AFF2: variants seen among roughly 807,000 people sequenced by gnomAD.
The protein encoded by AFF2 is AF4/FMR2 family member 2.
In AFF2, 14 loss-of-function variants were observed where a neutral mutation model predicts 76.9. The observed-to-expected ratio is 0.18, with a 90% CI of 0.12 to 0.28. The LOEUF is 0.28. Ranked by LOEUF, AFF2 falls within the 10% of genes least tolerant of loss-of-function variation. The probability of loss-of-function intolerance (pLI) is 1.00; values close to 1 mark genes in which losing one functional copy is unlikely to be tolerated. For missense variants in AFF2, 868 were observed against 1,001.1 expected, an observed-to-expected ratio of 0.87 and a Z score of 1.79; for synonymous variants, 398 against 366.7, an observed-to-expected ratio of 1.09 and a Z score of -0.98.
intron 3 of AFF2, among the ~76,000 whole-genome samples, chrX:148,681,587 A>T (rs1163807953): frequency 4.9e-5 from 5 of 102,512 alleles, no homozygotes; most frequent in Non-Finnish European, 9.9e-5. Flanking sequence ...TGTGTGTGAG[A>T]GAGAGAGAAT....
chrX:148,843,509 T>C (rs2070628157), intron 7 of AFF2, 76 bp downstream of exon 7: 1 of 848,190 alleles, frequency 1.2e-6, no homozygotes, highest in African/African-American at 2.0e-5. Context: ...GCTGATCTAA[T>C]CTTGTTCTCT....
At position 148,590,123 on chromosome X, in the gene AFF2, A is replaced by G. The variant is rs183907163; in HGVS notation, c.48-61876A>G. 5.6e-3 allele frequency among the ~76,000 whole-genome samples: 599 copies of G among 106,135 alleles called. 4 individuals are homozygous for G. Among genetic ancestry groups the G allele is most frequent in the African/African-American group, 0.019 (567 of 29,169 alleles). The allele number at this position is 106,135 out of a possible 115,157, so 92.2% of individuals were successfully genotyped here. On this transcript the variant is annotated intron_variant, in intron 1 of 20. Coordinates refer to ENST00000370460, the MANE Select transcript of AFF2 (RefSeq NM_002025.4). ...TCATTACCACCAAACACGCAGTTGG[A>G]AAGACATTAAAATATACTACCTATT...
At chrX:148,729,734 A>G (rs1022927442) in intron 3 of AFF2, among the ~76,000 whole-genome samples, 1 of 112,145 alleles carries the variant, frequency 8.9e-6, no homozygotes, top group African/African-American at 3.2e-5. Context: ...GAATTTAATC[A>G]ATGCAGAGAG....
intron 12 of AFF2, among the ~76,000 whole-genome samples, chrX:148,959,129 C>G (rs1345487261): frequency 1.8e-5 from 2 of 111,444 alleles, no homozygotes; most frequent in Non-Finnish European, 3.8e-5. Flanking sequence ...TCTTCCTTCT[C>G]TCTGTGTGTG....
At chrX:148,590,420 C>T (rs962935346) in intron 1 of AFF2, among the ~76,000 whole-genome samples, 1 of 111,544 alleles carries the variant, frequency 9.0e-6, no homozygotes, top group Non-Finnish European at 1.9e-5. Context: ...CCACTAAGAG[C>T]TATTTGCATA....
chrX:148,756,858 G>A (rs934773243), intron 3 of AFF2, among the ~76,000 whole-genome samples: 5 of 112,204 alleles, frequency 4.5e-5, no homozygotes, highest in South Asian at 7.4e-4. Flanking sequence ...GTGAATAAAA[G>A]TAGAACTTTT....
intron 1 of AFF2, among the ~76,000 whole-genome samples, chrX:148,543,061 G>A (rs1224863813): frequency 1.8e-5 from 2 of 111,653 alleles, no homozygotes; most frequent in Non-Finnish European, 3.8e-5. Flanking sequence ...ATCCTCTAGA[G>A]GGCAGAGCCA....
At chrX:148,839,248 G>T (rs2070566773) in intron 5 of AFF2, among the ~76,000 whole-genome samples, 1 of 112,220 alleles carries the variant, frequency 8.9e-6, no homozygotes, top group East Asian at 2.8e-4. Flanking sequence ...CATGACAAAG[G>T]TAGAAGCAAG....
At chrX:148,650,621 A>G (rs1199928480) in intron 1 of AFF2, among the ~76,000 whole-genome samples, 1 of 112,365 alleles carries the variant, frequency 8.9e-6, no homozygotes, top group Non-Finnish European at 1.9e-5. Flanking sequence ...TTCTTTATCC[A>G]GGAGATAAAG....
intron 1 of AFF2, among the ~76,000 whole-genome samples, chrX:148,559,669 T>A (rs1259546130): frequency 8.9e-6 from 1 of 112,008 alleles, no homozygotes; most frequent in Non-Finnish European, 1.9e-5. Flanking sequence ...CTTTATCCAG[T>A]CTATCATTGA....
At chrX:148,922,099 T>C (rs181080648) in intron 9 of AFF2, among the ~76,000 whole-genome samples, 1 of 112,273 alleles carries the variant, frequency 8.9e-6, no homozygotes, top group Admixed American at 9.4e-5. Context: ...GCACAAAGGA[T>C]TTGAGCATTT....
Position 148,993,139 on chromosome X carries a change from G to A in AFF2, c.*1807G>A, listed in dbSNP as rs1181805368. The A allele has an allele frequency of 8.9e-6, 1 of 112,655 alleles. No homozygotes were observed. The highest frequency in any genetic ancestry group is 1.9e-5 in the Non-Finnish European group (1 of 53,348). 9.3% of individuals were successfully genotyped at this position (112,655 alleles called of 1,213,427 possible). On this transcript the variant is annotated 3_prime_UTR_variant, in exon 21 of 21. Coordinates refer to ENST00000370460, the MANE Select transcript of AFF2 (RefSeq NM_002025.4). ...CCTTTTGTTGTATAAGGCTGTGGAA[G>A]TTGTACTCCAATGGCTGAAGCCATG...
intron 3 of AFF2, among the ~76,000 whole-genome samples, chrX:148,694,006 C>T (rs1416287697): frequency 9.0e-6 from 1 of 110,721 alleles, no homozygotes; most frequent in African/African-American, 3.3e-5. Flanking sequence ...ATGATGAGTT[C>T]ATGTCCTTTG....
At chrX:148,785,753 A>C (rs1557269471) in intron 3 of AFF2, among the ~76,000 whole-genome samples, 1 of 112,402 alleles carries the variant, frequency 8.9e-6, no homozygotes, top group Non-Finnish European at 1.9e-5. Context: ...GCTGTAAAAA[A>C]TTAATTAGCA....
chrX:148,529,861 A>G (rs1175498619), intron 1 of AFF2, among the ~76,000 whole-genome samples: 1 of 112,036 alleles, frequency 8.9e-6, no homozygotes, highest in Non-Finnish European at 1.9e-5. Context: ...TTGGGAATGA[A>G]GTGACATAAG....
chrX:148,506,284 A>G (rs1175689254), intron 1 of AFF2, among the ~76,000 whole-genome samples: 1 of 111,636 alleles, frequency 9.0e-6, no homozygotes, highest in Non-Finnish European at 1.9e-5. Context: ...TCCACATGCT[A>G]TCTCATTTGA....
chrX:148,971,747 C>CTTTTTTTTTTTTTTTTTTTTTTATT (rs2072258647), intron 15 of AFF2, among the ~76,000 whole-genome samples: 2 of 44,731 alleles, frequency 4.5e-5, no homozygotes, highest in African/African-American at 1.9e-4. Flanking sequence ...TTTTCTATTT[C>CTTTTTTTTTTTTTTTTTTTTTTATT]TTTTTTTTTT....
At chrX:148,805,473 C>T (rs1284109007) in intron 3 of AFF2, among the ~76,000 whole-genome samples, 1 of 111,179 alleles carries the variant, frequency 9.0e-6, no homozygotes, top group Admixed American at 9.5e-5. Flanking sequence ...TAATGTTTTA[C>T]GTTAATCTCC....
chrX:148,797,268 A>C (rs73249442), intron 3 of AFF2, among the ~76,000 whole-genome samples: 1,584 of 111,984 alleles, frequency 0.014, 12 homozygotes, highest in Non-Finnish European at 0.02. Flanking sequence ...TTCTAAGCCA[A>C]CCCGCTTGTT....
Sources: gnomAD v4.1 joint callset for allele counts (sites outside exome capture counted in the v4.1 genomes callset) on GRCh38, gnomAD v4.1.1 for gene constraint, MANE v1.5 for transcripts, NCBI Gene and HGNC (gene_info 2026-07-23, HGNC 2026-07-21) for gene names.